CACNA2D3: variants seen among roughly 807,000 people sequenced by gnomAD.
CACNA2D3 encodes the protein voltage-dependent calcium channel subunit alpha-2/delta-3.
A neutral mutation model predicts 160.6 loss-of-function variants in CACNA2D3; 60 were observed. The ratio of observed to expected loss-of-function variants is 0.37; its 90% confidence interval spans 0.30 to 0.46. The LOEUF is 0.46. Among genes scored for constraint, CACNA2D3 ranks in the 20% least tolerant of loss-of-function variants. The pLI is 1.00. For synonymous variants in CACNA2D3, 558 were observed against 492.9 expected, an observed-to-expected ratio of 1.13 and a Z score of -1.75; for missense variants, 1,205 against 1,365.0, an observed-to-expected ratio of 0.88 and a Z score of 1.85.
chr3:54,944,445 G>T (rs1025569326), intron 27 of CACNA2D3, among the ~76,000 whole-genome samples: 3 of 148,900 alleles, frequency 2.0e-5, no homozygotes, highest in African/African-American at 7.5e-5. Context: ...TTTTGAGACG[G>T]AATCTCGCTC....
At chr3:55,006,299 G>A (rs1008836405) in intron 32 of CACNA2D3, among the ~76,000 whole-genome samples, 1 of 152,104 alleles carries the variant, frequency 6.6e-6, no homozygotes, top group Non-Finnish European at 1.5e-5. Context: ...GAATGCCTGA[G>A]TGCCTTCCCC....
At chr3:54,919,829 TCA>T (rs1700783556) in intron 27 of CACNA2D3, among the ~76,000 whole-genome samples, 1 of 152,222 alleles carries the variant, frequency 6.6e-6, no homozygotes, top group African/African-American at 2.4e-5. Context: ...TTGTCCAGAC[TCA>T]CAGAGGTCAC....
chr3:54,793,271 T>A (rs1009639227), intron 13 of CACNA2D3, among the ~76,000 whole-genome samples: 1 of 152,244 alleles, frequency 6.6e-6, no homozygotes, highest in African/African-American at 2.4e-5. Flanking sequence ...ACCCGATATC[T>A]CCTGTGAGAA....
chr3:54,852,707 C>G (rs1699084415), intron 17 of CACNA2D3, among the ~76,000 whole-genome samples: 1 of 152,168 alleles, frequency 6.6e-6, no homozygotes, highest in South Asian at 2.1e-4. Flanking sequence ...TGGATTGATA[C>G]ATGGACATGC....
At chr3:54,337,364 G>T (rs1704408511) in intron 3 of CACNA2D3, among the ~76,000 whole-genome samples, 1 of 152,170 alleles carries the variant, frequency 6.6e-6, no homozygotes, top group Non-Finnish European at 1.5e-5. Context: ...CGTCCCAGAG[G>T]GAAAGCTTGG....
chr3:54,122,882 G>C (rs1699502752), intron 1 of CACNA2D3, 47 bp downstream of exon 1: 2 of 1,208,616 alleles, frequency 1.7e-6, no homozygotes, highest in Admixed American at 4.4e-5. Context: ...CTTGCCGCCT[G>C]CGACCCACTG....
chr3:54,385,851 G>A, intron 3 of CACNA2D3: 1 of 472,378 alleles, frequency 2.1e-6, no homozygotes, highest in Non-Finnish European at 4.2e-6. Flanking sequence ...AATAGAAGTG[G>A]TCAAATTTTT....
intron 4 of CACNA2D3, among the ~76,000 whole-genome samples, chr3:54,457,621 A>T (rs926368321): frequency 2.0e-5 from 3 of 151,982 alleles, no homozygotes; most frequent in Non-Finnish European, 4.4e-5. Flanking sequence ...GATTTTCTGT[A>T]TAGATGATCT....
Position 54,129,860 on chromosome 3 carries a change from A to G in CACNA2D3, c.204+6266A>G, listed in dbSNP as rs527674056. On this transcript the variant is annotated intron_variant, in intron 2 of 37. Coordinates refer to ENST00000474759, the MANE Select transcript of CACNA2D3 (RefSeq NM_018398.3). ...TGCGTGCCTGTGCCAATAAAAATGG[A>G]TGCTGCTCATCACAGAACGTGCCAG... Among the ~76,000 whole-genome samples the G allele has an allele frequency of 5.9e-5, 9 of 152,316 alleles. No individual in the cohort carries two copies. In the East Asian group the frequency reaches 1.5e-3, roughly 26 times the overall value.
chr3:54,933,349 T>A (rs989439097), intron 27 of CACNA2D3, among the ~76,000 whole-genome samples: 11 of 152,224 alleles, frequency 7.2e-5, no homozygotes, highest in Admixed American at 5.9e-4. Context: ...CACAGTCTAG[T>A]TCAGGTTGAC....
intron 13 of CACNA2D3, among the ~76,000 whole-genome samples, chr3:54,785,578 GTCT>G (rs1702624026): frequency 6.6e-6 from 1 of 152,038 alleles, no homozygotes; most frequent in Non-Finnish European, 1.5e-5. Flanking sequence ...GCTTCTCTTT[GTCT>G]ACCTAAATGA....
chr3:54,260,199 T>C (rs200492912), intron 2 of CACNA2D3, among the ~76,000 whole-genome samples: 1 of 147,810 alleles, frequency 6.8e-6, no homozygotes, highest in African/African-American at 2.4e-5. Context: ...ATCTCTTTTT[T>C]CTCTGGGAAC....
At chr3:54,893,787 TA>T (rs112087960) in intron 25 of CACNA2D3, among the ~76,000 whole-genome samples, 42,621 of 151,864 alleles carry the variant, frequency 0.28, 6,264 homozygotes, top group African/African-American at 0.34. Context: ...ATAGTTATAA[TA>T]CATTCTGTGC....
intron 2 of CACNA2D3, among the ~76,000 whole-genome samples, chr3:54,183,893 A>G (rs1422357511): frequency 9.2e-5 from 1 of 10,818 alleles, no homozygotes; most frequent in Non-Finnish European, 1.6e-4. Flanking sequence ...CTCAAAAAAG[A>G]AAAAAAAAAA....
chr3:54,226,264 G>C (rs1294529270), intron 2 of CACNA2D3, among the ~76,000 whole-genome samples: 1 of 150,296 alleles, frequency 6.7e-6, no homozygotes, highest in Non-Finnish European at 1.5e-5. Flanking sequence ...AAATGGCTCA[G>C]ACTGTAAGGT....
chr3:54,459,469 T>G (rs567991958), intron 4 of CACNA2D3, among the ~76,000 whole-genome samples: 1 of 151,366 alleles, frequency 6.6e-6, no homozygotes, highest in South Asian at 2.1e-4. Context: ...CCATTCTAAC[T>G]GGTGTGAGAT....
chr3:54,803,176 G>A (rs1169670645), intron 13 of CACNA2D3, among the ~76,000 whole-genome samples: 2 of 152,206 alleles, frequency 1.3e-5, no homozygotes, highest in African/African-American at 4.8e-5. Flanking sequence ...AAAGAACGCA[G>A]TTCCTCACCA....
intron 2 of CACNA2D3, among the ~76,000 whole-genome samples, chr3:54,165,892 C>T (rs140581950): frequency 1.1e-4 from 16 of 152,130 alleles, no homozygotes; most frequent in Middle Eastern, 3.2e-3. Flanking sequence ...ATATATGATA[C>T]CATGGGATGG....
chr3:55,003,961 C>CA (rs1703035360), intron 31 of CACNA2D3, among the ~76,000 whole-genome samples: 2 of 152,120 alleles, frequency 1.3e-5, no homozygotes, highest in Admixed American at 1.3e-4. Context: ...TGCTTCAAGT[C>CA]AAAGCACCAT....
Sources: gnomAD v4.1 joint callset for allele counts (sites outside exome capture counted in the v4.1 genomes callset) on GRCh38, gnomAD v4.1.1 for gene constraint, MANE v1.5 for transcripts, NCBI Gene and HGNC (gene_info 2026-07-23, HGNC 2026-07-21) for gene names.